Variants in PPP2R2A observed in about 807,000 individuals in gnomAD.
PPP2R2A encodes serine/threonine-protein phosphatase 2A 55 kDa regulatory subunit B alpha isoform.
In PPP2R2A, 9 loss-of-function variants were observed where a neutral mutation model predicts 53.2. That is an observed-to-expected ratio of 0.17 (90% CI 0.10 to 0.30). The LOEUF is 0.30. PPP2R2A is among the 10% of genes least tolerant of loss of function. PPP2R2A has a pLI of 1.00. For synonymous variants in PPP2R2A, 169 were observed against 174.2 expected (o/e 0.97, Z 0.23); for missense variants, 235 against 534.6 (o/e 0.44, Z 5.53).
chr8:26,313,952 C>G (rs1802415128), intron 2 of PPP2R2A, among the ~76,000 whole-genome samples: 1 of 152,200 alleles, frequency 6.6e-6, no homozygotes, highest in African/African-American at 2.4e-5. Flanking sequence ...ATAGGAAACT[C>G]ACGCAGGAGT....
intron 2 of PPP2R2A, among the ~76,000 whole-genome samples, chr8:26,331,380 C>T (rs1803369245): frequency 6.6e-6 from 1 of 152,154 alleles, no homozygotes; most frequent in African/African-American, 2.4e-5. Flanking sequence ...AGAAACAAGA[C>T]CAGTTATCAG....
chr8:26,330,041 T>TC (rs1429161317), intron 2 of PPP2R2A, among the ~76,000 whole-genome samples: 1 of 152,182 alleles, frequency 6.6e-6, no homozygotes, highest in African/African-American at 2.4e-5. Flanking sequence ...CCCTGCCCCT[T>TC]CCCAGGACTG....
chr8:26,291,857 A>G (rs1276006041), intron 1 of PPP2R2A, 31 bp downstream of exon 1: 2 of 1,606,928 alleles, frequency 1.2e-6, no homozygotes, highest in Non-Finnish European at 8.5e-7. Context: ...GCCCCCTGAC[A>G]AGGCACCGCT....
At chr8:26,334,350 T>G (rs968818661) in intron 2 of PPP2R2A, among the ~76,000 whole-genome samples, 6 of 152,228 alleles carry the variant, frequency 3.9e-5, no homozygotes, top group African/African-American at 1.4e-4. Context: ...GTATGATAGC[T>G]CTGACAGTGA....
chr8:26,370,421 A>G lies in PPP2R2A; in HGVS notation c.*8A>G, dbSNP rs1436181098. On this transcript the variant is annotated 3_prime_UTR_variant, in exon 10 of 10. Coordinates refer to ENST00000380737, the MANE Select transcript of PPP2R2A (RefSeq NM_002717.4). The surrounding 1 kb of genome is among the most constrained non-coding windows in gnomAD (Gnocchi z 6.1). ...CAAGACAAAGTGAATTAGGGTTGGCATTCCTAGCAGAAGAACCCACTTCCT... is the reference window on the plus strand; with the variant it reads ...CAAGACAAAGTGAATTAGGGTTGGCGTTCCTAGCAGAAGAACCCACTTCCT... 6.2e-7 allele frequency: 1 copy of G among 1,612,114 alleles called. No individual in the cohort carries two copies. Among genetic ancestry groups the G allele is most frequent in the Non-Finnish European group, 8.5e-7 (1 of 1,178,536 alleles).
Position 26,370,605 on chromosome 8 carries a change from T to A in PPP2R2A, c.*192T>A. ...ATTCATCACTGTGGTGTTCTCCATG[T>A]CTGCTAGCCATTTAGGTAAGGGTAG... On this transcript the variant is annotated 3_prime_UTR_variant, in exon 10 of 10. Coordinates refer to ENST00000380737, the MANE Select transcript of PPP2R2A (RefSeq NM_002717.4). The surrounding 1 kb of genome is among the most constrained non-coding windows in gnomAD (Gnocchi z 6.1). The A allele has an allele frequency of 3.0e-6, 2 of 668,454 alleles. No homozygotes were observed. The highest frequency in any genetic ancestry group is 5.0e-6 in the Non-Finnish European group (2 of 401,850). 41.4% of individuals were successfully genotyped at this position (668,454 alleles called of 1,614,324 possible). A position where few individuals can be genotyped will look rare whatever the true frequency, so the allele number is the denominator to read the frequency against.
At chr8:26,331,612 C>T (rs188528789) in intron 2 of PPP2R2A, among the ~76,000 whole-genome samples, 3 of 152,210 alleles carry the variant, frequency 2.0e-5, no homozygotes, top group Non-Finnish European at 4.4e-5. Flanking sequence ...TAGAAAGATA[C>T]GAGTTATTAT....
intron 3 of PPP2R2A, among the ~76,000 whole-genome samples, chr8:26,339,580 C>G (rs1171223821): frequency 1.3e-5 from 2 of 152,052 alleles, no homozygotes; most frequent in Admixed American, 1.3e-4. Flanking sequence ...GTTTTTCTTA[C>G]AACTTAGGCA....
At chr8:26,341,140 G>A (rs992229315) in intron 3 of PPP2R2A, among the ~76,000 whole-genome samples, 3 of 152,118 alleles carry the variant, frequency 2.0e-5, no homozygotes, top group Admixed American at 6.5e-5. Flanking sequence ...TTACTTAGTG[G>A]TGTAAATATC....
chr8:26,309,990 T>C (rs187261363), intron 2 of PPP2R2A, among the ~76,000 whole-genome samples: 1 of 151,472 alleles, frequency 6.6e-6, no homozygotes, highest in East Asian at 2.0e-4. Flanking sequence ...GTTGGAAAAA[T>C]GGTGCCATTC....
chr8:26,314,236 T>C (rs1477415528), intron 2 of PPP2R2A, among the ~76,000 whole-genome samples: 1 of 152,222 alleles, frequency 6.6e-6, no homozygotes, highest in Non-Finnish European at 1.5e-5. Context: ...CTGCAGAGAC[T>C]GAATCCCCTC....
rs1220075894 is a variant in PPP2R2A, at chr8:26,321,751, C to T, written c.83-17139C>T. On this transcript the variant is annotated intron_variant, in intron 2 of 9. Transcript: ENST00000380737. The surrounding 1 kb of genome is among the most constrained non-coding windows in gnomAD (Gnocchi z 4.1). ...CTGCAACTTTGTGAGAGACCTTGAA[C>T]GCAAGGCCCCCTGGCTAAGTCACAC... Among the ~76,000 whole-genome samples the T allele has an allele frequency of 1.3e-5, 2 of 152,208 alleles. No homozygotes were observed. Among genetic ancestry groups the T allele is most frequent in the Non-Finnish European group, 2.9e-5 (2 of 68,036 alleles).
chr8:26,292,715 A>G (rs1801359414), intron 1 of PPP2R2A, among the ~76,000 whole-genome samples: 2 of 152,140 alleles, frequency 1.3e-5, no homozygotes, highest in Admixed American at 6.5e-5. Context: ...TTCTTTTTGT[A>G]CATGTTGGTA....
At chr8:26,305,760 A>T (rs1048857517) in intron 2 of PPP2R2A, among the ~76,000 whole-genome samples, 1 of 152,216 alleles carries the variant, frequency 6.6e-6, no homozygotes. Context: ...TACAGATGAT[A>T]CTAGAGTCTG....
At chr8:26,316,941 T>A (rs1205751589) in intron 2 of PPP2R2A, among the ~76,000 whole-genome samples, 1 of 152,222 alleles carries the variant, frequency 6.6e-6, no homozygotes, top group Non-Finnish European at 1.5e-5. Context: ...CATAAGATTA[T>A]AGTCAGTTAC....
At position 26,354,717 on chromosome 8, in the gene PPP2R2A, C is replaced by T. The variant is rs1250426293; in HGVS notation, c.346+84C>T. On this transcript the variant is annotated intron_variant, in intron 4 of 9. Transcript: ENST00000380737. The surrounding 1 kb of genome is among the most constrained non-coding windows in gnomAD (Gnocchi z 4.6). ...GTAGCCTAGGAGAGGAATCATTTAA[C>T]AGAGATACTTGTAAAAAGGACTTTT... 8.2e-7 allele frequency: 1 copy of T among 1,219,954 alleles called. No individual in the cohort carries two copies. The highest frequency in any genetic ancestry group is 1.5e-5 in the African/African-American group (1 of 64,758). The allele number at this position is 1,219,954 out of a possible 1,614,324, so 75.6% of individuals were successfully genotyped here. A position where few individuals can be genotyped will look rare whatever the true frequency, so the allele number is the denominator to read the frequency against.
chr8:26,338,810 G>T lies in PPP2R2A; in HGVS notation c.83-80G>T. On this transcript the variant is annotated intron_variant, in intron 2 of 9. Coordinates refer to ENST00000380737, the MANE Select transcript of PPP2R2A (RefSeq NM_002717.4). This position sits in a 1 kb window ranked among gnomAD's most constrained non-coding sequence, Gnocchi z 4.5. ...ATACTTCATAGACTTGGAATGTTTGGGAAAACACGCTAAGTTCTGAAACTA... is the reference window on the plus strand; with the variant it reads ...ATACTTCATAGACTTGGAATGTTTGTGAAAACACGCTAAGTTCTGAAACTA... The T allele has an allele frequency of 1.1e-6, 1 of 947,856 alleles. No individual in the cohort carries two copies. Among genetic ancestry groups the T allele is most frequent in the Non-Finnish European group, 1.6e-6 (1 of 621,178 alleles). 58.7% of individuals were successfully genotyped at this position (947,856 alleles called of 1,614,324 possible). A position where few individuals can be genotyped will look rare whatever the true frequency, so the allele number is the denominator to read the frequency against.
chr8:26,291,974 G>GGT, intron 1 of PPP2R2A, 148 bp downstream of exon 1: 1 of 1,216,850 alleles, frequency 8.2e-7, no homozygotes, highest in Non-Finnish European at 1.1e-6. Flanking sequence ...GTGGGGTGGG[G>GGT]GCGGGGAGGG....
At chr8:26,322,075 A>G (rs947297406) in intron 2 of PPP2R2A, among the ~76,000 whole-genome samples, 3 of 152,222 alleles carry the variant, frequency 2.0e-5, no homozygotes, top group Non-Finnish European at 2.9e-5. Flanking sequence ...GTAACTTCCT[A>G]TGAAATAGAC....
Sources: allele counts gnomAD v4.1 joint callset (sites outside exome capture counted in the v4.1 genomes callset), GRCh38; gene constraint gnomAD v4.1.1; non-coding constraint Gnocchi (gnomAD v3.1); transcripts MANE v1.5; gene names NCBI Gene and HGNC (gene_info 2026-07-23, HGNC 2026-07-21).